The following ZBTB40 variants were observed in gnomAD, a reference collection of about 807,000 sequenced individuals.
ZBTB40 encodes the protein zinc finger and BTB domain containing 40, also known as zinc finger and BTB domain-containing protein 40.
A neutral mutation model predicts 117.5 loss-of-function variants in ZBTB40; 60 were observed. The observed-to-expected ratio is 0.51, with a 90% CI of 0.41 to 0.63. The LOEUF (loss-of-function observed/expected upper bound fraction) is 0.63. ZBTB40 is among the 30% of genes least tolerant of loss of function. The probability of loss-of-function intolerance (pLI) is 0.00; values close to 1 mark genes in which losing one functional copy is unlikely to be tolerated. For missense variants in ZBTB40, 1,287 were observed against 1,498.5 expected (o/e 0.86, Z 2.33); for synonymous variants, 525 against 577.1 (o/e 0.91, Z 1.29).
At chr1:22,451,031 G>C (rs1640857397), upstream of ZBTB40, among the ~76,000 whole-genome samples, 1 of 152,204 alleles carries the variant, frequency 6.6e-6, no homozygotes, top group Admixed American at 6.5e-5. Context: ...AGGGTGGCAA[G>C]GGGACGCTTC....
chr1:22,436,976 G>C (rs572768992), intron 1 of ZBTB40, among the ~76,000 whole-genome samples: 1 of 152,162 alleles, frequency 6.6e-6, no homozygotes, highest in Admixed American at 6.6e-5. Flanking sequence ...CAAGTCTAGA[G>C]GGGGAGGGAG....
chr1:22,433,305 C>T (rs113024718), intron 1 of ZBTB40, among the ~76,000 whole-genome samples: 31,668 of 150,362 alleles, frequency 0.21, 4,032 homozygotes, highest in African/African-American at 0.34. Flanking sequence ...TGGTGGCGGG[C>T]GCCTGTAGTC....
In ZBTB40 at chr1:22,529,227, C is replaced by T. The variant is rs966911435; in HGVS notation, c.*2831C>T. 6.6e-6 allele frequency: 1 copy of T among 152,402 alleles called. No individual in the cohort carries two copies. The highest frequency in any genetic ancestry group is 2.1e-4 in the South Asian group (1 of 4,822). 9.4% of individuals were successfully genotyped at this position (152,402 alleles called of 1,614,324 possible). ...TTTGTGTGGTCTCCTGAGTCCACAT[C>T]GCTCGCTTCCATGGGGTCCCGGTGT... On this transcript the variant is annotated 3_prime_UTR_variant, in exon 18 of 18. Coordinates refer to ENST00000375647, the MANE Select transcript of ZBTB40 (RefSeq NM_014870.4).
intron 1 of ZBTB40, among the ~76,000 whole-genome samples, chr1:22,457,519 C>T (rs925834917): frequency 6.6e-5 from 10 of 152,166 alleles, no homozygotes; most frequent in African/African-American, 2.4e-4. Flanking sequence ...CCCCTGGAGG[C>T]GTTTGCATGA....
intron 1 of ZBTB40, among the ~76,000 whole-genome samples, chr1:22,431,981 TAAAA>T (rs11340582): frequency 1.3e-5 from 2 of 151,102 alleles, no homozygotes; most frequent in African/African-American, 4.9e-5. Flanking sequence ...ACTTTTCAGC[TAAAA>T]AAAAAAATAT....
At chr1:22,448,626 C>G (rs189600822), upstream of ZBTB40, among the ~76,000 whole-genome samples, 24 of 152,120 alleles carry the variant, frequency 1.6e-4, 1 homozygote, top group East Asian at 4.4e-3. Flanking sequence ...TTATTTACGC[C>G]CTCTAAGTCT....
intron 1 of ZBTB40, among the ~76,000 whole-genome samples, chr1:22,440,882 T>C (rs745993561): frequency 6.6e-6 from 1 of 152,180 alleles, no homozygotes; most frequent in Non-Finnish European, 1.5e-5. Context: ...GGTTTGCTAG[T>C]ATTTTGAGAA....
intron 1 of ZBTB40, among the ~76,000 whole-genome samples, chr1:22,457,239 C>A (rs973643848): frequency 3.3e-5 from 5 of 152,104 alleles, no homozygotes; most frequent in African/African-American, 1.2e-4. Flanking sequence ...CTCTCTTTAT[C>A]TCTGTGAAAA....
At chr1:22,465,588 GTTGT>G (rs1641235135) in intron 1 of ZBTB40, among the ~76,000 whole-genome samples, 1 of 152,208 alleles carries the variant, frequency 6.6e-6, no homozygotes, top group African/African-American at 2.4e-5. Flanking sequence ...TCTGCCTGCT[GTTGT>G]TCATGGTGCT....
At chr1:22,518,546 C>G (rs1639436137) in intron 13 of ZBTB40, among the ~76,000 whole-genome samples, 1 of 152,112 alleles carries the variant, frequency 6.6e-6, no homozygotes, top group African/African-American at 2.4e-5. Context: ...TTCTTCCCTC[C>G]CCACCCCTCT....
At chr1:22,517,015 A>G (rs921721265) in intron 12 of ZBTB40, among the ~76,000 whole-genome samples, 9 of 152,108 alleles carry the variant, frequency 5.9e-5, no homozygotes, top group South Asian at 2.1e-4. Flanking sequence ...GCGCTCTTCC[A>G]TACTTGTGGT....
intron 1 of ZBTB40, among the ~76,000 whole-genome samples, chr1:22,467,776 GTTTT>G (rs35900750): frequency 7.7e-6 from 1 of 130,480 alleles, no homozygotes; most frequent in Non-Finnish European, 1.6e-5. Flanking sequence ...TGTCAGGCCT[GTTTT>G]TTTTTTTTTT....
In ZBTB40 at chr1:22,508,569, G is replaced by A; in HGVS notation, c.1537G>A (p.Gly513Ser). The A allele has an allele frequency of 1.2e-6, 2 of 1,614,186 alleles. No individual in the cohort carries two copies. Among genetic ancestry groups the A allele is most frequent in the Non-Finnish European group, 1.7e-6 (2 of 1,180,034 alleles). The change falls in exon 8 of 18, where the codon GGT becomes AGT. Residue 513 changes from glycine to serine, a missense_variant. Gly to Ser is a moderately conservative substitution (Grantham distance 56). Transcript: ENST00000375647. ...KLVKRDSGSG[G>S]FNSLISAVLE... ...TGTGAAACGTGACTCTGGTTCAGGT[G>A]GTTTCAATTCTCTGATATCAGCAGT...
chr1:22,524,161 C>A (rs1639612676), intron 16 of ZBTB40, 57 bp from the exon 17 acceptor site: 14 of 1,534,794 alleles, frequency 9.1e-6, no homozygotes, highest in Non-Finnish European at 1.3e-5. Context: ...TCATTTCTCT[C>A]ATTTTACCCA....
chr1:22,443,996 A>AT (rs1319775716), intron 1 of ZBTB40, among the ~76,000 whole-genome samples: 5 of 152,200 alleles, frequency 3.3e-5, no homozygotes, highest in Non-Finnish European at 5.9e-5. Context: ...TTGGTGAAGA[A>AT]TGGGGGTCCC....
At chr1:22,466,028 C>G (rs1198222306) in intron 1 of ZBTB40, among the ~76,000 whole-genome samples, 1 of 152,174 alleles carries the variant, frequency 6.6e-6, no homozygotes, top group African/African-American at 2.4e-5. Context: ...TAGTCACTCC[C>G]CATTTACTCT....
In ZBTB40 at chr1:22,526,289, A is replaced by C. The variant is rs758437253; in HGVS notation, c.3613A>C (p.Thr1205Pro). The C allele has an allele frequency of 1.1e-5, 17 of 1,614,074 alleles. No homozygotes were observed. Among genetic ancestry groups the C allele is most frequent in the Non-Finnish European group, 1.4e-5 (16 of 1,180,050 alleles). ...TQLAGSQVFV[T>P]LPDSQASQAS... ...GCTTGCCGGGTCGCAGGTGTTTGTG[A>C]CGTTGCCAGATTCTCAGGCATCTCA... The change falls in exon 18 of 18, where the codon ACG becomes CCG. Residue 1205 changes from threonine to proline, a missense_variant. Physicochemically the swap from Thr to Pro is conservative, Grantham distance 38. Around this residue, in one of 2 missense-constraint regions of ZBTB40, gnomAD observed 417 missense variants for 564.1 expected, o/e 0.74. Transcript: ENST00000375647.
At chr1:22,519,563 T>C (rs577238206) in intron 13 of ZBTB40, 1 of 228,090 alleles carries the variant, frequency 4.4e-6, no homozygotes, top group Admixed American at 5.2e-5. Flanking sequence ...ATGCCTGTCA[T>C]AGAGCACTCA....
chr1:22,468,054 A>G (rs1641300643), intron 1 of ZBTB40, among the ~76,000 whole-genome samples: 2 of 151,280 alleles, frequency 1.3e-5, no homozygotes, highest in South Asian at 2.1e-4. Context: ...GCACCACTGT[A>G]CTTCAGCCTG....
Sources: allele counts gnomAD v4.1 joint callset (sites outside exome capture counted in the v4.1 genomes callset), GRCh38; gene constraint gnomAD v4.1.1; regional missense constraint gnomAD v4.1.1; transcripts MANE v1.5; gene names NCBI Gene and HGNC (gene_info 2026-07-23, HGNC 2026-07-21).